LRRC56: variants seen among roughly 807,000 people sequenced by gnomAD.
LRRC56 encodes leucine rich repeat containing 56.
Under a neutral mutation model 47.8 loss-of-function variants are expected in LRRC56, and 41 were observed. That is an observed-to-expected ratio of 0.86 (90% confidence interval 0.67 to 1.11). LRRC56 has a LOEUF of 1.11. Among genes scored for constraint, LRRC56 ranks in the 50% most tolerant of loss-of-function variants. LRRC56 has a pLI of 0.00. For synonymous variants in LRRC56, 387 were observed against 311.2 expected, an observed-to-expected ratio of 1.24 and a Z score of -2.56; for missense variants, 759 against 704.2, an observed-to-expected ratio of 1.08 and a Z score of -0.88.
At position 554,425 on chromosome 11, in the gene LRRC56, G is replaced by A; in HGVS notation, c.*149G>A. On this transcript the variant is annotated 3_prime_UTR_variant, in exon 14 of 14. Transcript: ENST00000270115. ...GACCCTCTTGGTGGAGGGGAGTGGGGGACTGGGACCAGCCAGGGAGGCAGC... is the reference window on the plus strand; with the variant it reads ...GACCCTCTTGGTGGAGGGGAGTGGGAGACTGGGACCAGCCAGGGAGGCAGC... The A allele has an allele frequency of 1.5e-6, 1 of 652,758 alleles. No homozygotes were observed. Among genetic ancestry groups the A allele is most frequent in the African/African-American group, 1.9e-5 (1 of 53,006 alleles). 40.4% of individuals were successfully genotyped at this position (652,758 alleles called of 1,614,324 possible).
At chr11:548,000 C>T (rs550401272) in intron 6 of LRRC56, among the ~76,000 whole-genome samples, 5 of 152,034 alleles carry the variant, frequency 3.3e-5, no homozygotes, top group Admixed American at 6.6e-5. Flanking sequence ...GTGGCGGGCA[C>T]CTGTAATCAC....
At chr11:520,877 A>C in the LRRC56 span, among the ~76,000 whole-genome samples, 3 of 152,052 alleles carry the variant, frequency 2.0e-5, no homozygotes, top group African/African-American at 7.2e-5. Flanking sequence ...CACAATGCGC[A>C]CCCACCCGCC....
At chr11:525,638 G>A in the LRRC56 span, among the ~76,000 whole-genome samples, 5 of 152,228 alleles carry the variant, frequency 3.3e-5, no homozygotes, top group East Asian at 9.7e-4. Context: ...GCTCATGCCT[G>A]TAATCCGAAT....
chr11:530,359 G>A, the LRRC56 span, among the ~76,000 whole-genome samples: 1 of 152,222 alleles, frequency 6.6e-6, no homozygotes, highest in African/African-American at 2.4e-5. Context: ...GAGGGCTCCT[G>A]GCCTCGGGAA....
the LRRC56 span, among the ~76,000 whole-genome samples, chr11:510,926 G>A: frequency 6.6e-6 from 1 of 151,842 alleles, no homozygotes; most frequent in East Asian, 1.9e-4. Flanking sequence ...TAAATAATAT[G>A]TTTGTCTGAA....
upstream of LRRC56, chr11:534,635 T>G (rs1256769918): frequency 1.0e-5 from 5 of 478,218 alleles, no homozygotes; most frequent in Non-Finnish European, 1.9e-5. Flanking sequence ...AGCTGAGCGC[T>G]CTCAACCACG....
chr11:535,092 G>GCCT (rs1851386647), upstream of LRRC56, among the ~76,000 whole-genome samples: 1 of 151,920 alleles, frequency 6.6e-6, no homozygotes, highest in Non-Finnish European at 1.5e-5. Flanking sequence ...GGCCGCGGCC[G>GCCT]CCTCCTCCCA....
In LRRC56 at chr11:550,043, G is replaced by A. The variant is rs183670393; in HGVS notation, c.424-29G>A. 2.2e-4 allele frequency: 357 copies of A among 1,611,426 alleles called. 4 individuals carry two copies. The East Asian group carries it at 4.6e-3, about 21-fold the overall frequency. Reference sequence around the variant, plus strand: ...GCTGGGGAGGCCTGGGCTGGGCCGGGCCCTGGCTCAGAGCCCCGCGCTGCC... The same window carrying A: ...GCTGGGGAGGCCTGGGCTGGGCCGGACCCTGGCTCAGAGCCCCGCGCTGCC... On this transcript the variant is annotated intron_variant, in intron 7 of 13. Coordinates refer to ENST00000270115, the MANE Select transcript of LRRC56 (RefSeq NM_198075.4).
chr11:530,959 C>G, the LRRC56 span, among the ~76,000 whole-genome samples: 3 of 43,194 alleles, frequency 6.9e-5, no homozygotes, highest in Non-Finnish European at 1.3e-4. Flanking sequence ...GGGAGTGTGG[C>G]GTCCCCTGGA....
the LRRC56 span, chr11:507,447 C>T: frequency 0.45 from 67,500 of 150,096 alleles, 16,459 homozygotes; most frequent in African/African-American, 0.66. Context: ...GTGGTCTCCC[C>T]CAGTAGGCGG....
the LRRC56 span, among the ~76,000 whole-genome samples, chr11:524,149 C>G: frequency 6.6e-6 from 1 of 151,978 alleles, no homozygotes; most frequent in Non-Finnish European, 1.5e-5. Flanking sequence ...ATGCACCACA[C>G]GTGGAAAAAT....
chr11:540,680 T>A lies in LRRC56; in HGVS notation c.-5T>A. ...ACTGTGCCTCTGTCAGCAGGTGACA[T>A]GTGAATGGATCTGGGCTGGGACAGA... On this transcript the variant is annotated 5_prime_UTR_variant, in exon 4 of 14. The change abolishes an upstream ATG in the 5' untranslated region. Transcript: ENST00000270115. 6.2e-7 allele frequency: 1 copy of A among 1,611,694 alleles called. No individual in the cohort carries two copies. Among genetic ancestry groups the A allele is most frequent in the Non-Finnish European group, 8.5e-7 (1 of 1,179,394 alleles).
chr11:515,215 C>A, the LRRC56 span, among the ~76,000 whole-genome samples: 2 of 152,046 alleles, frequency 1.3e-5, no homozygotes, highest in Non-Finnish European at 2.9e-5. Context: ...AGTGCTGCTC[C>A]GGAGACACGA....
chr11:552,680 C>T lies in LRRC56; in HGVS notation c.1293C>T (p.Ser431=), dbSNP rs1564808727. The T allele has an allele frequency of 3.1e-6, 5 of 1,609,220 alleles. No individual in the cohort carries two copies. In the South Asian group the frequency reaches 3.3e-5, roughly 11 times the overall value. ...QVHQAEPKTP[S]SPPSLASEPS... Reference sequence around the variant, plus strand: ...ACCAGGCAGAGCCCAAGACTCCCTCCAGCCCCCCAAGCCTGGCCTCAGGTA... The same window carrying T: ...ACCAGGCAGAGCCCAAGACTCCCTCTAGCCCCCCAAGCCTGGCCTCAGGTA... Residue 431 remains serine (S), a synonymous_variant, in exon 13 of 14, where the codon TCC becomes TCT. Transcript: ENST00000270115.
At chr11:537,500 A>C (rs922006175), upstream of LRRC56, 8 of 152,188 alleles carry the variant, frequency 5.3e-5, no homozygotes, top group Non-Finnish European at 1.0e-4. Context: ...CCAGGCCGCA[A>C]CCCCGCGGCG....
intron 5 of LRRC56, among the ~76,000 whole-genome samples, chr11:544,468 C>T (rs1851974069): frequency 6.6e-6 from 1 of 152,174 alleles, no homozygotes; most frequent in Admixed American, 6.5e-5. Flanking sequence ...GCTTTGGGGG[C>T]TCAGGGCCAC....
the LRRC56 span, among the ~76,000 whole-genome samples, chr11:517,524 C>T: frequency 8.4e-3 from 1,263 of 150,774 alleles, 22 homozygotes; most frequent in African/African-American, 0.029. Flanking sequence ...CGCCTCTGCC[C>T]GACTGCCCCG....
upstream of LRRC56, chr11:534,670 C>G (rs1851345301): frequency 2.5e-6 from 1 of 393,018 alleles, no homozygotes; most frequent in Non-Finnish European, 4.7e-6. Flanking sequence ...GCTGCTGGGT[C>G]GGCAGAAAGG....
At chr11:508,135 C>T in the LRRC56 span, among the ~76,000 whole-genome samples, 1 of 152,232 alleles carries the variant, frequency 6.6e-6, no homozygotes, top group African/African-American at 2.4e-5. Context: ...TGTTCTTTAG[C>T]AATTTGCTAA....
Sources: gnomAD v4.1 joint callset for allele counts (sites outside exome capture counted in the v4.1 genomes callset) on GRCh38, gnomAD v4.1.1 for gene constraint, MANE v1.5 for transcripts, NCBI Gene and HGNC (gene_info 2026-07-23, HGNC 2026-07-21) for gene names.